The following SCYL2 variants were observed in gnomAD, a reference collection of about 807,000 sequenced individuals.
SCYL2 encodes the protein SCY1 like pseudokinase 2, also known as SCY1-like protein 2.
SCYL2 carries 36 observed loss-of-function variants against 100.4 expected under a neutral mutation model. The observed-to-expected ratio is 0.36, with a 90% confidence interval of 0.27 to 0.47. SCYL2 has a LOEUF of 0.47. Ranked by LOEUF, SCYL2 falls within the 20% of genes least tolerant of loss-of-function variation. SCYL2 has a pLI of 1.00. For missense variants in SCYL2, 902 were observed against 1,083.9 expected (o/e 0.83, Z 2.36); for synonymous variants, 330 against 359.2 (o/e 0.92, Z 0.92).
intron 10 of SCYL2, 50 bp downstream of exon 10, chr12:100,317,975 CAGA>C: frequency 1.3e-6 from 2 of 1,497,198 alleles, no homozygotes. Context: ...ATTCTTAAAG[CAGA>C]AGAAGAGGTA....
At chr12:100,337,597 A>AAT in intron 17 of SCYL2, 91 bp downstream of exon 17, 2 of 1,205,720 alleles carry the variant, frequency 1.7e-6, no homozygotes, top group Non-Finnish European at 2.4e-6. Context: ...TTTGTATAAA[A>AAT]ATATATCTCA....
At chr12:100,317,130 G>A (rs948162675) in intron 9 of SCYL2, among the ~76,000 whole-genome samples, 3 of 151,702 alleles carry the variant, frequency 2.0e-5, no homozygotes, top group Non-Finnish European at 4.4e-5. Flanking sequence ...AATTTCTTCC[G>A]AATATTCTTC....
intron 3 of SCYL2, 100 bp from the exon 4 acceptor site, chr12:100,297,931 C>T (rs2096322833): frequency 2.1e-6 from 2 of 947,264 alleles, no homozygotes; most frequent in South Asian, 3.2e-5. Context: ...TAGTTACCTT[C>T]TTATTGATAG....
At chr12:100,332,007 T>C (rs1952215458) in intron 13 of SCYL2, among the ~76,000 whole-genome samples, 1 of 152,194 alleles carries the variant, frequency 6.6e-6, no homozygotes. Flanking sequence ...GGACTCAGCA[T>C]ATAGTTATGC....
At chr12:100,317,072 G>T (rs2096349704) in intron 9 of SCYL2, among the ~76,000 whole-genome samples, 2 of 151,736 alleles carry the variant, frequency 1.3e-5, no homozygotes, top group South Asian at 4.2e-4. Flanking sequence ...CTCCAGCCTG[G>T]GTGACAGAGT....
At position 100,281,019 on chromosome 12, in the gene SCYL2, G is replaced by GTTTTGTTTTTTTTTTTTTTTTT. The variant is rs2096297553; in HGVS notation, c.-28-1920_-28-1919insGTTTTTTTTTTTTTTTTTTTTT. 5.3e-4 allele frequency among the ~76,000 whole-genome samples: 27 copies of GTTTTGTTTTTTTTTTTTTTTTT among 50,488 alleles called. 1 individual carries two copies. Among genetic ancestry groups the GTTTTGTTTTTTTTTTTTTTTTT allele is most frequent in the African/African-American group, 1.8e-3 (26 of 14,520 alleles). 33.1% of individuals were successfully genotyped at this position (50,488 alleles called of 152,430 possible). A position where few individuals can be genotyped will look rare whatever the true frequency, so the allele number is the denominator to read the frequency against. On this transcript the variant is annotated intron_variant, in intron 1 of 17. Transcript: ENST00000360820. ...ATTTTATTGTCCCTTTACCATCAGT[G>GTTTTGTTTTTTTTTTTTTTTTT]TTTTTTTTTTTTTTTTTTTTTTTTT... is the stretch of plus-strand genomic sequence containing the variant.
In SCYL2 at chr12:100,271,585, T is replaced by G. The variant is rs577558773; in HGVS notation, c.-29+3793T>G. On this transcript the variant is annotated intron_variant, in intron 1 of 17. Coordinates refer to ENST00000360820, the MANE Select transcript of SCYL2 (RefSeq NM_017988.6). ...TTTTGAGTTTCTTTGTTTTATATTG[T>G]TGTTCTTTGTAGTCAGTGTCTATTA... Among the ~76,000 whole-genome samples, 3 of 152,324 alleles carry G rather than the reference T, an allele frequency of 2.0e-5. No individual in the cohort carries two copies. The South Asian group carries it at 6.2e-4, about 32-fold the overall frequency.
In SCYL2 at chr12:100,332,718, G is replaced by GTTT. The variant is rs375690956; in HGVS notation, c.1762-1436_1762-1434dup. On this transcript the variant is annotated intron_variant, in intron 13 of 17. Coordinates refer to ENST00000360820, the MANE Select transcript of SCYL2 (RefSeq NM_017988.6). ...TTGCTTTGTTTTTGTTTTTATTTTT[G>GTTT]TTTTTTTTTTTTTTGAGACAGGGTC... Among the ~76,000 whole-genome samples, 59 of 140,096 alleles carry GTTT rather than the reference G, an allele frequency of 4.2e-4. 1 individual carries two copies. The highest frequency in any genetic ancestry group is 1.4e-3 in the African/African-American group (54 of 38,248). 91.9% of individuals were successfully genotyped at this position (140,096 alleles called of 152,430 possible). A position where few individuals can be genotyped will look rare whatever the true frequency, so the allele number is the denominator to read the frequency against.
intron 4 of SCYL2, among the ~76,000 whole-genome samples, chr12:100,310,762 A>C (rs1273837800): frequency 6.6e-6 from 1 of 152,212 alleles, no homozygotes; most frequent in African/African-American, 2.4e-5. Context: ...TTTGGACATC[A>C]AAGGATTCTT....
At chr12:100,302,627 T>C (rs567354613) in intron 4 of SCYL2, among the ~76,000 whole-genome samples, 1 of 152,362 alleles carries the variant, frequency 6.6e-6, no homozygotes, top group East Asian at 1.9e-4. Context: ...AGAGATCTGC[T>C]GTTAATCTGA....
Position 100,315,803 on chromosome 12 carries a change from A to G in SCYL2, c.1272+69A>G, listed in dbSNP as rs1029822386. On this transcript the variant is annotated intron_variant, in intron 9 of 17. Transcript: ENST00000360820. ...GATTGTGACTATCACTGAAAACAAA[A>G]GGAATGAATATATGACTTAAAAAAA... is the stretch of plus-strand genomic sequence containing the variant. 3.8e-6 allele frequency: 5 copies of G among 1,305,776 alleles called. No individual in the cohort carries two copies. In the African/African-American group the frequency reaches 7.4e-5, roughly 19 times the overall value. 80.9% of individuals were successfully genotyped at this position (1,305,776 alleles called of 1,614,324 possible). A position where few individuals can be genotyped will look rare whatever the true frequency, so the allele number is the denominator to read the frequency against.
rs2135946806 is a variant in SCYL2 at position 100,337,316 on chromosome 12, G to A, written c.2026-71G>A. The A allele has an allele frequency of 1.9e-6, 3 of 1,578,474 alleles. No homozygotes were observed. In the East Asian group the frequency reaches 6.7e-5, roughly 35 times the overall value. ...AGTAGTAAGATGTACTTTACCCGAA[G>A]AGATTATCTTTTGTTTTACAAATGG... On this transcript the variant is annotated intron_variant, in intron 16 of 17. Coordinates refer to ENST00000360820, the MANE Select transcript of SCYL2 (RefSeq NM_017988.6).
intron 3 of SCYL2, among the ~76,000 whole-genome samples, chr12:100,293,421 T>C (rs980532276): frequency 4.6e-5 from 7 of 152,346 alleles, no homozygotes; most frequent in African/African-American, 1.7e-4. Flanking sequence ...GACTCTGTAT[T>C]TGTTGGTGCT....
At chr12:100,282,015 G>T (rs1247597535) in intron 1 of SCYL2, among the ~76,000 whole-genome samples, 4 of 151,834 alleles carry the variant, frequency 2.6e-5, no homozygotes, top group African/African-American at 9.7e-5. Context: ...TCCTATATTT[G>T]TTGTTGTTGT....
chr12:100,317,666 C>T, intron 9 of SCYL2, 137 bp from the exon 10 acceptor site: 1 of 1,406,628 alleles, frequency 7.1e-7, no homozygotes. Flanking sequence ...GTGTTTTTGT[C>T]TTCCACGCAT....
intron 2 of SCYL2, among the ~76,000 whole-genome samples, chr12:100,290,105 A>G (rs993380933): frequency 6.6e-6 from 1 of 152,212 alleles, no homozygotes; most frequent in Non-Finnish European, 1.5e-5. Context: ...TTTTTATATT[A>G]CTGTGTCACT....
intron 10 of SCYL2, among the ~76,000 whole-genome samples, chr12:100,322,364 C>T (rs2096357032): frequency 8.4e-6 from 1 of 118,470 alleles, no homozygotes; most frequent in Non-Finnish European, 1.7e-5. Context: ...CAGAGCGAGA[C>T]TCCGTCTCAA....
chr12:100,294,789 C>CG (rs2096316669), intron 3 of SCYL2, among the ~76,000 whole-genome samples: 1 of 136,590 alleles, frequency 7.3e-6, no homozygotes, highest in South Asian at 2.4e-4. Flanking sequence ...GCTGGCCGGG[C>CG]GGGGGGCTGA....
At chr12:100,321,770 C>T (rs192505990) in intron 10 of SCYL2, among the ~76,000 whole-genome samples, 12 of 152,180 alleles carry the variant, frequency 7.9e-5, no homozygotes, top group Non-Finnish European at 1.2e-4. Flanking sequence ...GGATTAGGTG[C>T]GGTAGCTCAC....
Sources: gnomAD v4.1 joint callset for allele counts (sites outside exome capture counted in the v4.1 genomes callset) on GRCh38, gnomAD v4.1.1 for gene constraint, MANE v1.5 for transcripts, NCBI Gene and HGNC (gene_info 2026-07-23, HGNC 2026-07-21) for gene names.